The following HERC2 variants were observed in gnomAD, a reference collection of about 807,000 sequenced individuals.
The protein encoded by HERC2 is E3 ubiquitin-protein ligase HERC2.
Under a neutral mutation model 537.7 loss-of-function variants are expected in HERC2, and 102 were observed. That is an observed-to-expected ratio of 0.19 (90% CI 0.16 to 0.22). HERC2 has a LOEUF of 0.22. Ranked by LOEUF, HERC2 falls within the 10% of genes least tolerant of loss-of-function variation. HERC2 has a pLI of 1.00. For missense variants in HERC2, 4,236 were observed against 6,198.2 expected (o/e 0.68, Z 10.63); for synonymous variants, 2,224 against 2,466.2 (o/e 0.90, Z 2.91).
At chr15:28,289,919 CAGTGAGAGGATTACACACCTA>C (rs1397816611) in intron 4 of HERC2, among the ~76,000 whole-genome samples, 1 of 151,924 alleles carries the variant, frequency 6.6e-6, no homozygotes, top group Admixed American at 6.6e-5. Context: ...CTACACACCT[CAGTGAGAGGATTACACACCTA>C]AGTGAGAGGA....
chr15:28,176,331 C>A lies in HERC2; in HGVS notation c.9686+97G>T. 1.8e-6 allele frequency: 2 copies of A among 1,084,406 alleles called. No homozygotes were observed. Among genetic ancestry groups the A allele is most frequent in the Admixed American group, 2.1e-5 (1 of 47,644 alleles). The allele number at this position is 1,084,406 out of a possible 1,614,324, so 67.2% of individuals were successfully genotyped here. A position where few individuals can be genotyped will look rare whatever the true frequency, so the allele number is the denominator to read the frequency against. On this transcript the variant is annotated intron_variant, in intron 63 of 92. Coordinates refer to ENST00000261609, the MANE Select transcript of HERC2 (RefSeq NM_004667.6). This position sits in a 1 kb window ranked among gnomAD's most constrained non-coding sequence, Gnocchi z 5.0. ...TGCATGCATAAGTAAAAAGAGGACA[C>A]GTCACAATCACGCCGGGTGAGCCTG... is the stretch of plus-strand genomic sequence containing the variant.
chr15:28,273,127 A>T (rs1347602580), intron 7 of HERC2, 123 bp from the exon 8 acceptor site: 1 of 732,444 alleles, frequency 1.4e-6, no homozygotes, highest in African/African-American at 1.8e-5. Flanking sequence ...AATATTTAGG[A>T]TCAAGTTTCT....
At chr15:28,278,595 A>G (rs929598471) in intron 5 of HERC2, among the ~76,000 whole-genome samples, 1 of 152,194 alleles carries the variant, frequency 6.6e-6, no homozygotes, top group Admixed American at 6.5e-5. Flanking sequence ...ATGTGATTTC[A>G]ACTATATTTA....
chr15:28,287,437 G>A (rs868136377), intron 4 of HERC2, among the ~76,000 whole-genome samples: 6 of 152,118 alleles, frequency 3.9e-5, no homozygotes, highest in Non-Finnish European at 8.8e-5. Context: ...GCCACCCTGA[G>A]TCAATAAGCT....
intron 44 of HERC2, among the ~76,000 whole-genome samples, chr15:28,206,832 CAAAAA>C (rs71132838): frequency 1.4e-4 from 7 of 51,446 alleles, no homozygotes; most frequent in South Asian, 6.3e-4. Context: ...GACTCGGTCT[CAAAAA>C]AAAAAAAAAA....
At chr15:28,118,473 A>T (rs1888521795) in intron 86 of HERC2, 1 of 152,270 alleles carries the variant, frequency 6.6e-6, no homozygotes, top group African/African-American at 2.4e-5. Flanking sequence ...AATTTTCAGA[A>T]ATGTGCATGC....
At chr15:28,293,508 A>G (rs1040120985) in intron 3 of HERC2, among the ~76,000 whole-genome samples, 2 of 151,750 alleles carry the variant, frequency 1.3e-5, no homozygotes, top group Non-Finnish European at 2.9e-5. Context: ...AAAAAAAAAA[A>G]AAAGAAACCA....
intron 78 of HERC2, among the ~76,000 whole-genome samples, chr15:28,139,252 G>A (rs1890949057): frequency 6.6e-6 from 1 of 152,242 alleles, no homozygotes; most frequent in South Asian, 2.1e-4. Context: ...GAACTGGAGT[G>A]TGGTCACTTC....
At chr15:28,136,953 T>C (rs1246449594) in intron 78 of HERC2, among the ~76,000 whole-genome samples, 2 of 151,574 alleles carry the variant, frequency 1.3e-5, no homozygotes, top group Non-Finnish European at 2.9e-5. Flanking sequence ...ACATAACAAA[T>C]GATGGTAAGA....
At chr15:28,313,245 G>A (rs1464637604) in intron 2 of HERC2, among the ~76,000 whole-genome samples, 78 of 150,270 alleles carry the variant, frequency 5.2e-4, no homozygotes, top group African/African-American at 1.8e-3. Context: ...CCAGGCTGGA[G>A]TGCAGTGGCG....
chr15:28,305,833 A>G (rs1236279904), intron 2 of HERC2, among the ~76,000 whole-genome samples: 1 of 150,576 alleles, frequency 6.6e-6, no homozygotes, highest in Non-Finnish European at 1.5e-5. Context: ...AATTTACAAG[A>G]AAAAAACAAA....
At chr15:28,174,320 G>T in intron 65 of HERC2, 75 bp downstream of exon 65, 3 of 1,056,764 alleles carry the variant, frequency 2.8e-6, no homozygotes, top group Non-Finnish European at 4.1e-6. Flanking sequence ...TAATTGTGTT[G>T]GCACAATTAA....
chr15:28,286,565 T>C (rs1438022888), intron 4 of HERC2, among the ~76,000 whole-genome samples: 1 of 152,206 alleles, frequency 6.6e-6, no homozygotes, highest in Non-Finnish European at 1.5e-5. Flanking sequence ...TCAATACTCA[T>C]GAATGATAAA....
chr15:28,185,835 C>T (rs1399146635), intron 56 of HERC2, among the ~76,000 whole-genome samples: 1 of 152,194 alleles, frequency 6.6e-6, no homozygotes, highest in Non-Finnish European at 1.5e-5. Flanking sequence ...GGCCTAATAG[C>T]ACACTGATGC....
chr15:28,123,948 T>G lies in HERC2; in HGVS notation c.13188+89A>C, dbSNP rs1889199272. On this transcript the variant is annotated intron_variant, in intron 85 of 92. Transcript: ENST00000261609. Reference sequence around the variant, plus strand: ...CATTTGCTGAATGAGCTGTATTCTATGTGTTCTATTCCCAGTATAGGAATT... The same window carrying G: ...CATTTGCTGAATGAGCTGTATTCTAGGTGTTCTATTCCCAGTATAGGAATT... 6.6e-6 allele frequency: 7 copies of G among 1,059,906 alleles called. No homozygotes were observed. In the Admixed American group the frequency reaches 2.0e-4, roughly 31 times the overall value. 65.7% of individuals were successfully genotyped at this position (1,059,906 alleles called of 1,614,324 possible). A position where few individuals can be genotyped will look rare whatever the true frequency, so the allele number is the denominator to read the frequency against.
chr15:28,314,352 C>A (rs1357823236), intron 2 of HERC2, among the ~76,000 whole-genome samples: 2 of 152,022 alleles, frequency 1.3e-5, no homozygotes, highest in Admixed American at 6.6e-5. Flanking sequence ...GATGTCAGCT[C>A]GGAACAATGG....
chr15:28,190,810 A>G (rs938143460), intron 55 of HERC2, 155 bp downstream of exon 55: 4 of 626,510 alleles, frequency 6.4e-6, no homozygotes, highest in Admixed American at 2.9e-5. Flanking sequence ...GTTGTACAAA[A>G]TAAGTTGTAT....
At chr15:28,136,448 A>C (rs1230849054) in intron 78 of HERC2, among the ~76,000 whole-genome samples, 5 of 152,258 alleles carry the variant, frequency 3.3e-5, no homozygotes, top group Non-Finnish European at 1.5e-5. Flanking sequence ...TCTGGTGCAC[A>C]GGGTGCAGGG....
At chr15:28,220,770 G>C in intron 36 of HERC2, 126 bp from the exon 37 acceptor site, 1 of 741,410 alleles carries the variant, frequency 1.3e-6, no homozygotes, top group African/African-American at 1.8e-5. Context: ...GCTCCCAGCA[G>C]ACCTCAGTTA....
Sources: gnomAD v4.1 joint callset for allele counts (sites outside exome capture counted in the v4.1 genomes callset) on GRCh38, gnomAD v4.1.1 for gene constraint, Gnocchi (gnomAD v3.1) non-coding constraint, MANE v1.5 for transcripts, NCBI Gene and HGNC (gene_info 2026-07-23, HGNC 2026-07-21) for gene names.